The following C10orf90 variants were observed in gnomAD, a reference collection of about 807,000 sequenced individuals.
C10orf90 encodes the protein chromosome 10 open reading frame 90, also known as (E2-independent) E3 ubiquitin-conjugating enzyme FATS.
Under a neutral mutation model 62.5 loss-of-function variants are expected in C10orf90, and 56 were observed. The ratio of observed to expected loss-of-function variants is 0.90; its 90% confidence interval spans 0.72 to 1.12. The LOEUF is 1.12. Ranked by LOEUF, C10orf90 falls within the 50% of genes most tolerant of loss-of-function variation. The pLI is 0.00. For missense variants in C10orf90, 970 were observed against 880.4 expected, an observed-to-expected ratio of 1.10 and a Z score of -1.29; for synonymous variants, 386 against 340.4, an observed-to-expected ratio of 1.13 and a Z score of -1.47.
chr10:126,460,722 G>A (rs1423896119), intron 6 of C10orf90, among the ~76,000 whole-genome samples: 2 of 152,020 alleles, frequency 1.3e-5, no homozygotes, highest in African/African-American at 2.4e-5. Flanking sequence ...TCCCACCGAG[G>A]CCCCCTGGGT....
At chr10:126,571,599 G>A (rs754145185) in intron 2 of C10orf90, among the ~76,000 whole-genome samples, 5 of 152,196 alleles carry the variant, frequency 3.3e-5, no homozygotes, top group Non-Finnish European at 7.3e-5. Context: ...GGACGCAAAT[G>A]AGGCATTCAT....
chr10:126,548,965 G>A (rs1864568030), intron 2 of C10orf90, among the ~76,000 whole-genome samples: 1 of 151,748 alleles, frequency 6.6e-6, no homozygotes, highest in African/African-American at 2.4e-5. Flanking sequence ...GACACTCAAA[G>A]GCCAAAAAAT....
At chr10:126,492,391 C>T (rs1861813797) in intron 4 of C10orf90, among the ~76,000 whole-genome samples, 1 of 152,152 alleles carries the variant, frequency 6.6e-6, no homozygotes, top group African/African-American at 2.4e-5. Flanking sequence ...AACTCTGTCT[C>T]AGATAGATGT....
At chr10:126,487,231 A>C (rs1295022816) in intron 4 of C10orf90, among the ~76,000 whole-genome samples, 1 of 151,888 alleles carries the variant, frequency 6.6e-6, no homozygotes, top group Non-Finnish European at 1.5e-5. Context: ...TGAAGGAGAT[A>C]ATAGAGGAAA....
intron 2 of C10orf90, among the ~76,000 whole-genome samples, chr10:126,636,829 T>C (rs942221214): frequency 1.3e-5 from 2 of 152,188 alleles, no homozygotes; most frequent in Non-Finnish European, 2.9e-5. Flanking sequence ...CCAAGTCTAT[T>C]CTCTCCATGC....
At chr10:126,617,018 G>A (rs4962348) in intron 2 of C10orf90, among the ~76,000 whole-genome samples, 33,819 of 151,970 alleles carry the variant, frequency 0.22, 3,910 homozygotes, top group South Asian at 0.34. Context: ...CAAATCTCTC[G>A]GACATCATTT....
chr10:126,466,928 T>C (rs943241499), intron 4 of C10orf90, among the ~76,000 whole-genome samples: 1 of 152,236 alleles, frequency 6.6e-6, no homozygotes, highest in Non-Finnish European at 1.5e-5. Flanking sequence ...AAGTACAAAA[T>C]ATTACAGACA....
At chr10:126,562,269 C>A (rs184938962) in intron 2 of C10orf90, among the ~76,000 whole-genome samples, 170 of 152,222 alleles carry the variant, frequency 1.1e-3, no homozygotes, top group African/African-American at 3.0e-3. Context: ...TGCCTAGCCA[C>A]CCCCTGCCCT....
chr10:126,428,833 A>C (rs1857408467), intron 8 of C10orf90, among the ~76,000 whole-genome samples: 1 of 151,320 alleles, frequency 6.6e-6, no homozygotes, highest in South Asian at 2.1e-4. Flanking sequence ...CCCTTTAAAA[A>C]CTCCAATTAG....
intron 2 of C10orf90, among the ~76,000 whole-genome samples, chr10:126,596,906 C>T (rs984329127): frequency 6.6e-6 from 1 of 152,146 alleles, no homozygotes; most frequent in Non-Finnish European, 1.5e-5. Context: ...TTTAAATAGA[C>T]ACTTCATAAA....
intron 1 of C10orf90, among the ~76,000 whole-genome samples, chr10:126,655,840 A>C (rs887692601): frequency 2.2e-5 from 3 of 138,428 alleles, no homozygotes; most frequent in African/African-American, 8.0e-5. Flanking sequence ...AAAACAAAAC[A>C]AAAAAAAAAA....
At chr10:126,523,906 T>C (rs1477729507) in intron 2 of C10orf90, among the ~76,000 whole-genome samples, 2 of 152,234 alleles carry the variant, frequency 1.3e-5, no homozygotes, top group Non-Finnish European at 2.9e-5. Context: ...CAGAATTTCC[T>C]TCCTTTTTAA....
chr10:126,485,122 G>A (rs942220979), intron 4 of C10orf90, among the ~76,000 whole-genome samples: 18 of 152,146 alleles, frequency 1.2e-4, no homozygotes, highest in African/African-American at 4.3e-4. Flanking sequence ...CATATGGGTG[G>A]AGCCCTCATA....
chr10:126,486,594 T>C (rs546533154), intron 4 of C10orf90, among the ~76,000 whole-genome samples: 1 of 152,252 alleles, frequency 6.6e-6, no homozygotes, highest in African/African-American at 2.4e-5. Context: ...TTTAAAGGCA[T>C]AAAATAATTA....
chr10:126,562,339 C>T (rs546761448), intron 2 of C10orf90, among the ~76,000 whole-genome samples: 19 of 152,320 alleles, frequency 1.2e-4, no homozygotes, highest in Non-Finnish European at 2.5e-4. Flanking sequence ...CTGGGCCTCT[C>T]CCTAGAGTGG....
chr10:126,485,316 G>A (rs757230356), intron 4 of C10orf90, among the ~76,000 whole-genome samples: 5 of 152,116 alleles, frequency 3.3e-5, no homozygotes, highest in Non-Finnish European at 5.9e-5. Flanking sequence ...AATTTGTGTC[G>A]TTTATAAGCC....
intron 2 of C10orf90, among the ~76,000 whole-genome samples, chr10:126,643,896 C>T (rs1591169468): frequency 6.6e-6 from 1 of 152,152 alleles, no homozygotes; most frequent in South Asian, 2.1e-4. Flanking sequence ...TTTCCCGAGG[C>T]AGAAAGGCCG....
At chr10:126,521,459 T>G (rs1863740580) in intron 2 of C10orf90, 1 of 1,494,138 alleles carries the variant, frequency 6.7e-7, no homozygotes, top group Non-Finnish European at 8.9e-7. Context: ...GCTTCCACCT[T>G]CCAGCCTCGG....
intron 7 of C10orf90, among the ~76,000 whole-genome samples, chr10:126,431,197 T>C (rs1857550536): frequency 6.6e-6 from 1 of 152,240 alleles, no homozygotes; most frequent in Non-Finnish European, 1.5e-5. Context: ...TGTTAGCACT[T>C]AACTTACTTT....
Sources: allele counts gnomAD v4.1 joint callset (sites outside exome capture counted in the v4.1 genomes callset), GRCh38; gene constraint gnomAD v4.1.1; transcripts MANE v1.5; gene names NCBI Gene and HGNC (gene_info 2026-07-23, HGNC 2026-07-21).